The following CDK14 variants were observed in gnomAD, a reference collection of about 807,000 sequenced individuals.
CDK14 encodes the protein cyclin dependent kinase 14.
In CDK14, 34 loss-of-function variants were observed where a neutral mutation model predicts 60.7. The observed-to-expected ratio is 0.56, with a 90% confidence interval of 0.43 to 0.75. CDK14 has a LOEUF of 0.75. Among genes scored for constraint, CDK14 ranks in the 30% least tolerant of loss-of-function variants. The pLI, the probability that CDK14 is intolerant of heterozygous loss-of-function variation, is 0.00. For missense variants in CDK14, 482 were observed against 564.1 expected, an observed-to-expected ratio of 0.85 and a Z score of 1.47; for synonymous variants, 197 against 203.7, an observed-to-expected ratio of 0.97 and a Z score of 0.28.
chr7:90,981,556 T>C (rs1027702727), intron 9 of CDK14, among the ~76,000 whole-genome samples: 2 of 152,236 alleles, frequency 1.3e-5, no homozygotes, highest in East Asian at 3.8e-4. Context: ...ACATTGTTTA[T>C]ATACAATTGT....
Position 91,082,588 on chromosome 7 carries a change from A to G in CDK14, c.1154+3108A>G, listed in dbSNP as rs112141460. The stretch of plus-strand genomic sequence containing the variant: ...CACAAAAATAGAGAAGAAAAATCTT[A>G]CCTGCTACAATTGAATGTACCAGCA... On this transcript the variant is annotated intron_variant, in intron 12 of 14. Coordinates refer to ENST00000380050, the MANE Select transcript of CDK14 (RefSeq NM_001287135.2). 9.8e-3 allele frequency among the ~76,000 whole-genome samples: 1,495 copies of G among 152,312 alleles called. 20 individuals are homozygous for G. The highest frequency in any genetic ancestry group is 0.033 in the African/African-American group (1,361 of 41,578).
chr7:90,994,505 C>T lies in CDK14; in HGVS notation c.1041+10264C>T, dbSNP rs549637380. Among the ~76,000 whole-genome samples, 5 of 152,270 alleles carry T rather than the reference C, an allele frequency of 3.3e-5. No individual in the cohort carries two copies. In the East Asian group the frequency reaches 5.8e-4, roughly 18 times the overall value. ...CATTTGTACATAAGAATGTCAAGAACGCTGGGACTGTGTTTTCAAGCTGCC... is the reference window on the plus strand; with the variant it reads ...CATTTGTACATAAGAATGTCAAGAATGCTGGGACTGTGTTTTCAAGCTGCC... On this transcript the variant is annotated intron_variant, in intron 10 of 14. Coordinates refer to ENST00000380050, the MANE Select transcript of CDK14 (RefSeq NM_001287135.2).
At chr7:90,971,011 T>C (rs560136734) in intron 9 of CDK14, among the ~76,000 whole-genome samples, 16 of 152,282 alleles carry the variant, frequency 1.1e-4, no homozygotes, top group Admixed American at 9.2e-4. Context: ...ACATGTGCCA[T>C]GTTGCGCTCA....
At chr7:90,971,744 C>T (rs993428696) in intron 9 of CDK14, among the ~76,000 whole-genome samples, 10 of 150,922 alleles carry the variant, frequency 6.6e-5, no homozygotes, top group Admixed American at 6.6e-4. Flanking sequence ...TACAGCTTTG[C>T]CATTTCATTA....
At chr7:91,101,006 A>T (rs778934623) in intron 12 of CDK14, among the ~76,000 whole-genome samples, 7 of 150,214 alleles carry the variant, frequency 4.7e-5, no homozygotes, top group Middle Eastern at 3.2e-3. Context: ...GATTCGTATG[A>T]TTATTCATCT....
chr7:90,786,817 G>A lies in CDK14; in HGVS notation c.465-3756G>A, dbSNP rs374404946. ...CTCTGTAGTCTCAGCTACTCTGGAG[G>A]CTGAGGTAGGAGAATCTCTTGAGCC... is the stretch of plus-strand genomic sequence containing the variant. On this transcript the variant is annotated intron_variant, in intron 4 of 14. Coordinates refer to ENST00000380050, the MANE Select transcript of CDK14 (RefSeq NM_001287135.2). Among the ~76,000 whole-genome samples, 4 of 151,046 alleles carry A rather than the reference G, an allele frequency of 2.6e-5. No homozygotes were observed. The South Asian group carries it at 8.4e-4, about 32-fold the overall frequency.
intron 10 of CDK14, among the ~76,000 whole-genome samples, chr7:91,005,884 C>T (rs190825260): frequency 2.0e-5 from 3 of 152,198 alleles, no homozygotes; most frequent in Non-Finnish European, 4.4e-5. Flanking sequence ...TTTTTAGAAC[C>T]AAACCGGATT....
chr7:91,085,316 C>G (rs1020977507), intron 12 of CDK14, among the ~76,000 whole-genome samples: 16 of 152,090 alleles, frequency 1.1e-4, no homozygotes, highest in African/African-American at 3.1e-4. Flanking sequence ...TGGCTGAGGT[C>G]TCACTTCCTT....
intron 12 of CDK14, among the ~76,000 whole-genome samples, chr7:91,096,332 A>T (rs747566217): frequency 5.3e-5 from 8 of 152,152 alleles, no homozygotes; most frequent in Admixed American, 2.6e-4. Flanking sequence ...CCAACATGTC[A>T]TGTGCCCAGC....
chr7:91,056,729 G>T (rs1379254121), intron 11 of CDK14, among the ~76,000 whole-genome samples: 3 of 152,158 alleles, frequency 2.0e-5, no homozygotes, highest in Non-Finnish European at 2.9e-5. Flanking sequence ...CCCTACAAAG[G>T]ACGTGAACTC....
chr7:90,788,982 A>G (rs1466236108), intron 4 of CDK14, among the ~76,000 whole-genome samples: 1 of 152,168 alleles, frequency 6.6e-6, no homozygotes, highest in Non-Finnish European at 1.5e-5. Context: ...AAATATTTAT[A>G]TTGGTATCCT....
chr7:91,059,376 T>G (rs1162017950), intron 11 of CDK14, among the ~76,000 whole-genome samples: 1 of 152,206 alleles, frequency 6.6e-6, no homozygotes, highest in East Asian at 1.9e-4. Context: ...CATTGATTTT[T>G]TGAAGGGTTT....
At chr7:90,658,735 T>C (rs1269028352) in intron 2 of CDK14, among the ~76,000 whole-genome samples, 2 of 152,238 alleles carry the variant, frequency 1.3e-5, no homozygotes, top group African/African-American at 2.4e-5. Context: ...TTTTTTGTTA[T>C]GGTGAATAGT....
chr7:90,910,374 G>A (rs1792854670), intron 7 of CDK14, among the ~76,000 whole-genome samples: 1 of 152,102 alleles, frequency 6.6e-6, no homozygotes, highest in East Asian at 1.9e-4. Context: ...ACCTAGTATT[G>A]CAGTTAAACC....
intron 9 of CDK14, among the ~76,000 whole-genome samples, chr7:90,974,799 C>T (rs1584188767): frequency 1.3e-5 from 2 of 152,028 alleles, no homozygotes; most frequent in East Asian, 3.9e-4. Context: ...TGTAATTAAT[C>T]CATATTTAGT....
Position 91,170,985 on chromosome 7 carries a change from C to G in CDK14, c.*29-36180C>G, listed in dbSNP as rs987640502. Among the ~76,000 whole-genome samples the G allele has an allele frequency of 8.5e-5, 13 of 152,082 alleles. 1 individual carries two copies. The South Asian group carries it at 2.7e-3, about 32-fold the overall frequency. On this transcript the variant is annotated intron_variant, in intron 14 of 14. Transcript: ENST00000380050. ...GTTTCACCATGTCAGCCAGGCTGGT[C>G]TCAAACTCCTGACCTCAGATGATTT...
intron 11 of CDK14, among the ~76,000 whole-genome samples, chr7:91,072,889 C>G (rs140032016): frequency 0.023 from 3,495 of 151,538 alleles, 130 homozygotes; most frequent in African/African-American, 0.078. Context: ...TATCAATAGC[C>G]AAATTGATCA....
intron 4 of CDK14, among the ~76,000 whole-genome samples, chr7:90,778,133 A>G (rs530224321): frequency 6.6e-6 from 1 of 152,344 alleles, no homozygotes; most frequent in East Asian, 1.9e-4. Flanking sequence ...CAGACTCATA[A>G]ATACCAATGC....
intron 12 of CDK14, among the ~76,000 whole-genome samples, chr7:91,105,812 G>T (rs1259815410): frequency 6.6e-6 from 1 of 152,048 alleles, no homozygotes. Flanking sequence ...AAAGAAATAA[G>T]ATCATATAAA....
Sources: allele counts gnomAD v4.1 joint callset (sites outside exome capture counted in the v4.1 genomes callset), GRCh38; gene constraint gnomAD v4.1.1; transcripts MANE v1.5; gene names NCBI Gene and HGNC (gene_info 2026-07-23, HGNC 2026-07-21).